The following SYNPR variants were observed in gnomAD, a reference collection of about 807,000 sequenced individuals.
SYNPR encodes the protein synaptoporin.
SYNPR carries 23 observed loss-of-function variants against 32.9 expected under a neutral mutation model. The ratio of observed to expected loss-of-function variants is 0.70; its 90% CI spans 0.50 to 0.99. The LOEUF (loss-of-function observed/expected upper bound fraction) is 0.99. Among genes scored for constraint, SYNPR ranks in the 50% least tolerant of loss-of-function variants. The pLI is 0.00. For missense variants in SYNPR, 318 were observed against 349.3 expected, an observed-to-expected ratio of 0.91 and a Z score of 0.71; for synonymous variants, 146 against 135.9, an observed-to-expected ratio of 1.07 and a Z score of -0.52.
intron 2 of SYNPR, among the ~76,000 whole-genome samples, chr3:63,346,692 T>C (rs7634892): frequency 0.99 from 150,622 of 152,246 alleles, 74,507 homozygotes; most frequent in East Asian, 1. Context: ...AAGACAGTCT[T>C]GATCTCCTGA....
intron 3 of SYNPR, among the ~76,000 whole-genome samples, chr3:63,270,918 C>CTTCTTTCT (rs1560174566): frequency 6.8e-5 from 5 of 73,758 alleles, no homozygotes; most frequent in African/African-American, 2.6e-4. Flanking sequence ...TCCTTCCTTC[C>CTTCTTTCT]TTCCTTCTTT....
the SYNPR span, among the ~76,000 whole-genome samples, chr3:63,211,899 C>A: frequency 9.2e-6 from 1 of 108,296 alleles, no homozygotes; most frequent in African/African-American, 3.6e-5. Context: ...GTGATATTCC[C>A]CTTCCTGTGT....
In SYNPR at chr3:63,352,177, C is replaced by T. The variant is rs759777596; in HGVS notation, c.84+73435C>T. Among the ~76,000 whole-genome samples the T allele has an allele frequency of 3.9e-5, 6 of 151,960 alleles. 1 individual carries two copies. Among genetic ancestry groups the T allele is most frequent in the Middle Eastern group, 6.3e-3 (2 of 316 alleles). On this transcript the variant is annotated intron_variant, in intron 2 of 5. Transcript: ENST00000478300. ...GAGGGGAGAGGGATAGGAAATGCGG[C>T]CAAAGAGGTGAGCAGGAGTTGATCA... is the stretch of plus-strand genomic sequence containing the variant.
At chr3:63,606,867 C>T (rs1700130444) in intron 4 of SYNPR, among the ~76,000 whole-genome samples, 1 of 152,140 alleles carries the variant, frequency 6.6e-6, no homozygotes, top group Non-Finnish European at 1.5e-5. Context: ...ATTTCCTCAA[C>T]TGTAAAATGG....
intron 2 of SYNPR, among the ~76,000 whole-genome samples, chr3:63,395,332 A>G (rs1205809793): frequency 6.6e-6 from 1 of 152,202 alleles, no homozygotes; most frequent in Non-Finnish European, 1.5e-5. Flanking sequence ...ATGACTCTTT[A>G]TGTGAATTTA....
chr3:63,532,368 T>C (rs1002150227), intron 3 of SYNPR, among the ~76,000 whole-genome samples: 2 of 152,210 alleles, frequency 1.3e-5, no homozygotes, highest in Admixed American at 1.3e-4. Flanking sequence ...CCTGCAAGTA[T>C]TGCCATGAGC....
chr3:63,560,339 T>C (rs939491964), intron 4 of SYNPR, among the ~76,000 whole-genome samples: 2 of 152,144 alleles, frequency 1.3e-5, no homozygotes, highest in African/African-American at 2.4e-5. Flanking sequence ...CCACATCGAT[T>C]CAAATCCCAC....
chr3:63,490,724 A>C (rs1380877232), intron 3 of SYNPR, among the ~76,000 whole-genome samples: 4 of 151,956 alleles, frequency 2.6e-5, no homozygotes, highest in Admixed American at 2.6e-4. Context: ...ATTTTGGTTC[A>C]TGGGCACCCC....
intron 3 of SYNPR, among the ~76,000 whole-genome samples, chr3:63,271,595 A>G (rs2086535908): frequency 6.6e-6 from 1 of 152,140 alleles, no homozygotes; most frequent in African/African-American, 2.4e-5. Context: ...TCCTATCTTC[A>G]TCATCTATAT....
intron 2 of SYNPR, among the ~76,000 whole-genome samples, chr3:63,300,083 T>C (rs1226412330): frequency 1.3e-5 from 2 of 151,836 alleles, no homozygotes; most frequent in Non-Finnish European, 1.5e-5. Flanking sequence ...TACTCAAGAG[T>C]GATTTGGATA....
intron 2 of SYNPR, among the ~76,000 whole-genome samples, chr3:63,327,940 A>G (rs944675290): frequency 4.6e-5 from 7 of 152,176 alleles, no homozygotes; most frequent in Admixed American, 4.6e-4. Flanking sequence ...AAAAAAGGCA[A>G]TGTGTGAAAA....
At chr3:63,283,848 C>T (rs1458563901) in intron 2 of SYNPR, among the ~76,000 whole-genome samples, 6 of 124,914 alleles carry the variant, frequency 4.8e-5, no homozygotes, top group African/African-American at 9.4e-5. Flanking sequence ...GACGGAGTCT[C>T]GCTAGGCTGC....
intron 2 of SYNPR, among the ~76,000 whole-genome samples, chr3:63,454,640 C>T (rs551994718): frequency 6.6e-6 from 1 of 152,198 alleles, no homozygotes; most frequent in South Asian, 2.1e-4. Context: ...GACAAAGGTC[C>T]TCATTCTCCA....
intron 2 of SYNPR, among the ~76,000 whole-genome samples, chr3:63,286,433 C>A (rs956132517): frequency 1.3e-5 from 2 of 152,228 alleles, no homozygotes; most frequent in African/African-American, 4.8e-5. Context: ...GATACAGGCA[C>A]TTACTAACCA....
chr3:63,438,424 C>A (rs12638327), intron 2 of SYNPR, among the ~76,000 whole-genome samples: 1 of 152,050 alleles, frequency 6.6e-6, no homozygotes, highest in African/African-American at 2.4e-5. Context: ...GAACTCCCGG[C>A]CTTGCCTACC....
chr3:63,263,076 T>G (rs2086452995), intron 2 of SYNPR, among the ~76,000 whole-genome samples: 1 of 152,222 alleles, frequency 6.6e-6, no homozygotes, highest in African/African-American at 2.4e-5. Flanking sequence ...AATGTTTACA[T>G]GAAGAGGGCA....
intron 2 of SYNPR, among the ~76,000 whole-genome samples, chr3:63,367,608 G>T (rs1032843368): frequency 1.3e-5 from 2 of 151,936 alleles, no homozygotes; most frequent in Admixed American, 6.6e-5. Flanking sequence ...TGCCTGCCTC[G>T]GCCTCCTAAA....
intron 2 of SYNPR, among the ~76,000 whole-genome samples, chr3:63,436,941 A>G (rs781755696): frequency 6.6e-6 from 1 of 152,112 alleles, no homozygotes; most frequent in Non-Finnish European, 1.5e-5. Context: ...CAGTGGCACA[A>G]TCTCAGCTCA....
intron 3 of SYNPR, among the ~76,000 whole-genome samples, chr3:63,520,852 G>A (rs974053258): frequency 6.6e-6 from 1 of 152,170 alleles, no homozygotes; most frequent in African/African-American, 2.4e-5. Flanking sequence ...CTTTGCTGAT[G>A]AATGTAAAAT....
Sources: allele counts gnomAD v4.1 joint callset (sites outside exome capture counted in the v4.1 genomes callset), GRCh38; gene constraint gnomAD v4.1.1; transcripts MANE v1.5; gene names NCBI Gene and HGNC (gene_info 2026-07-23, HGNC 2026-07-21).